Variants in ZNF438 observed in about 807,000 individuals in gnomAD.
ZNF438 encodes zinc finger protein 438.
ZNF438 carries 25 observed loss-of-function variants against 38.0 expected under a neutral mutation model. The observed-to-expected ratio is 0.66, with a 90% confidence interval of 0.48 to 0.92. The LOEUF (loss-of-function observed/expected upper bound fraction) is 0.92. Ranked by LOEUF, ZNF438 falls within the 40% of genes least tolerant of loss-of-function variation. ZNF438 has a pLI of 0.00. For synonymous variants in ZNF438, 372 were observed against 364.1 expected, an observed-to-expected ratio of 1.02 and a Z score of -0.25; for missense variants, 1,007 against 999.6, an observed-to-expected ratio of 1.01 and a Z score of -0.10.
chr10:30,899,653 C>T (rs1460498125), intron 3 of ZNF438, among the ~76,000 whole-genome samples: 1 of 151,744 alleles, frequency 6.6e-6, no homozygotes, highest in Non-Finnish European at 1.5e-5. Flanking sequence ...ACCTCCTCCC[C>T]ACCCCCCCAC....
chr10:30,985,732 C>T (rs1006426670), intron 1 of ZNF438, among the ~76,000 whole-genome samples: 4 of 152,172 alleles, frequency 2.6e-5, no homozygotes, highest in African/African-American at 7.2e-5. Flanking sequence ...ACCATGAACA[C>T]TGAATTAGGG....
intron 3 of ZNF438, among the ~76,000 whole-genome samples, chr10:30,880,568 G>A (rs2039108203): frequency 6.6e-6 from 1 of 151,940 alleles, no homozygotes; most frequent in Non-Finnish European, 1.5e-5. Flanking sequence ...GACTTCTACT[G>A]AATATTTAAG....
At chr10:30,884,780 C>T (rs1045244918) in intron 3 of ZNF438, among the ~76,000 whole-genome samples, 1 of 152,058 alleles carries the variant, frequency 6.6e-6, no homozygotes, top group African/African-American at 2.4e-5. Context: ...AAAGTGACAG[C>T]CTGATGTAAA....
chr10:30,910,916 AAG>A lies in ZNF438; in HGVS notation c.-114-1903_-114-1902del, dbSNP rs200361899. Among the ~76,000 whole-genome samples the A allele has an allele frequency of 3.4e-3, 512 of 152,236 alleles. 6 individuals are homozygous for A. The highest frequency in any genetic ancestry group is 0.011 in the African/African-American group (454 of 41,536). On this transcript the variant is annotated intron_variant, in intron 2 of 5. Coordinates refer to ENST00000413025, the Ensembl canonical transcript of ZNF438. The stretch of plus-strand genomic sequence containing the variant: ...ATTTTCTGGAATAGAAAACATCCAG[AAG>A]AGTCACTACAAAATGTATCAAAATC...
intron 2 of ZNF438, among the ~76,000 whole-genome samples, chr10:30,927,569 C>T (rs1170787586): frequency 2.0e-5 from 3 of 152,190 alleles, no homozygotes; most frequent in Non-Finnish European, 2.9e-5. Flanking sequence ...GTCAGTATTC[C>T]TAATCCTAGA....
chr10:30,877,643 T>C (rs1236857689), intron 3 of ZNF438, among the ~76,000 whole-genome samples: 1 of 152,178 alleles, frequency 6.6e-6, no homozygotes, highest in Non-Finnish European at 1.5e-5. Context: ...TGTCAATATA[T>C]AAATTTACAG....
intron 4 of ZNF438, among the ~76,000 whole-genome samples, chr10:30,864,317 T>A (rs909810261): frequency 1.3e-5 from 2 of 152,292 alleles, no homozygotes; most frequent in African/African-American, 4.8e-5. Context: ...CCAACCCTGG[T>A]CTGGAGGCTA....
At chr10:30,960,435 G>C (rs1052676449) in intron 1 of ZNF438, among the ~76,000 whole-genome samples, 2 of 146,790 alleles carry the variant, frequency 1.4e-5, no homozygotes, top group African/African-American at 2.4e-5. Context: ...TTCATTGTCA[G>C]CTAATTTTTG....
intron 3 of ZNF438, among the ~76,000 whole-genome samples, chr10:30,884,688 TG>T (rs923895209): frequency 2.0e-5 from 3 of 152,216 alleles, no homozygotes; most frequent in African/African-American, 7.2e-5. Context: ...ACCAGTTACA[TG>T]ATTACTTTTT....
At chr10:31,012,937 C>G (rs1013310215) in intron 1 of ZNF438, among the ~76,000 whole-genome samples, 4 of 152,198 alleles carry the variant, frequency 2.6e-5, no homozygotes, top group African/African-American at 9.6e-5. Flanking sequence ...AACTGTCTTA[C>G]TGGCTTGTCC....
intron 1 of ZNF438, among the ~76,000 whole-genome samples, chr10:30,992,558 A>G (rs2053612475): frequency 6.6e-6 from 1 of 152,046 alleles, no homozygotes; most frequent in African/African-American, 2.4e-5. Flanking sequence ...GATTACAGGC[A>G]TGCGCCACCA....
In ZNF438 at chr10:30,926,526, C is replaced by T. The variant is rs191158726; in HGVS notation, c.-115+15049G>A. 2.6e-3 allele frequency among the ~76,000 whole-genome samples: 392 copies of T among 151,884 alleles called. 1 individual carries two copies. Among genetic ancestry groups the T allele is most frequent in the African/African-American group, 8.7e-3 (359 of 41,400 alleles). On this transcript the variant is annotated intron_variant, in intron 2 of 5. Transcript: ENST00000413025. Reference sequence around the variant, plus strand: ...ACTAAAAATACAAAAATTAGCCAGGCGTGGTGGCGGGTGCCTGTAGTTCCA... The same window carrying T: ...ACTAAAAATACAAAAATTAGCCAGGTGTGGTGGCGGGTGCCTGTAGTTCCA...
chr10:30,970,410 A>T (rs1451837889), intron 1 of ZNF438, among the ~76,000 whole-genome samples: 1 of 152,204 alleles, frequency 6.6e-6, no homozygotes, highest in Non-Finnish European at 1.5e-5. Context: ...AACGTACTTT[A>T]TGTAATTTCG....
intron 1 of ZNF438, among the ~76,000 whole-genome samples, chr10:30,949,531 G>A (rs548424341): frequency 2.6e-4 from 39 of 152,272 alleles, no homozygotes; most frequent in African/African-American, 9.4e-4. Flanking sequence ...ACACATATAG[G>A]CTCAAAATAA....
At chr10:30,860,757 C>A (rs2035442860) in intron 4 of ZNF438, among the ~76,000 whole-genome samples, 1 of 152,148 alleles carries the variant, frequency 6.6e-6, no homozygotes, top group Admixed American at 6.6e-5. Context: ...TTTTAAAGAG[C>A]TACTTTATGG....
At chr10:30,906,103 C>T (rs2042555706) in intron 3 of ZNF438, among the ~76,000 whole-genome samples, 1 of 152,078 alleles carries the variant, frequency 6.6e-6, no homozygotes, top group Admixed American at 6.5e-5. Flanking sequence ...ACAAAAGGGG[C>T]AGCTGAAATT....
intron 1 of ZNF438, among the ~76,000 whole-genome samples, chr10:30,973,138 T>C (rs74134336): frequency 0.1 from 15,668 of 152,182 alleles, 2,634 homozygotes; most frequent in African/African-American, 0.35. Flanking sequence ...ACTTAAAGAC[T>C]GCAGAAATCT....
chr10:30,853,866 G>C (rs1293578899), intron 4 of ZNF438, among the ~76,000 whole-genome samples: 1 of 152,114 alleles, frequency 6.6e-6, no homozygotes, highest in Non-Finnish European at 1.5e-5. Flanking sequence ...GTGGTGGCAA[G>C]TGCCTGTAAT....
chr10:30,849,602 G>A, exon 5 of ZNF438: 1 of 1,614,208 alleles, frequency 6.2e-7, no homozygotes, highest in East Asian at 2.2e-5. Context: ...ATTGGTCATG[G>A]TTTTTGCAAG....
Sources: allele counts gnomAD v4.1 joint callset (sites outside exome capture counted in the v4.1 genomes callset), GRCh38; gene constraint gnomAD v4.1.1; transcripts MANE v1.5; gene names NCBI Gene and HGNC (gene_info 2026-07-23, HGNC 2026-07-21).